CAMK4: variants seen among roughly 807,000 people sequenced by gnomAD.
The protein encoded by CAMK4 is calcium/calmodulin dependent protein kinase IV.
A neutral mutation model predicts 44.9 loss-of-function variants in CAMK4; 22 were observed. The ratio of observed to expected loss-of-function variants is 0.49; its 90% CI spans 0.35 to 0.70. CAMK4 has a LOEUF of 0.70. Among genes scored for constraint, CAMK4 ranks in the 30% least tolerant of loss-of-function variants. The pLI, the probability that CAMK4 is intolerant of heterozygous loss-of-function variation, is 0.01. For missense variants in CAMK4, 498 were observed against 586.8 expected, an observed-to-expected ratio of 0.85 and a Z score of 1.56; for synonymous variants, 218 against 215.4, an observed-to-expected ratio of 1.01 and a Z score of -0.11.
At chr5:111,369,055 T>A (rs1232238852) in intron 2 of CAMK4, among the ~76,000 whole-genome samples, 1 of 148,886 alleles carries the variant, frequency 6.7e-6, no homozygotes, top group Non-Finnish European at 1.5e-5. Flanking sequence ...AATAATAATA[T>A]AATAATAATA....
rs1755724615 is a variant in CAMK4 at position 111,489,004 on chromosome 5, T to A, written c.*4538T>A. On this transcript the variant is annotated 3_prime_UTR_variant, in exon 11 of 11. Coordinates refer to ENST00000282356, the MANE Select transcript of CAMK4 (RefSeq NM_001744.6). The stretch of plus-strand genomic sequence containing the variant: ...ATTCTGATTTCCTTATGTTCATCAC[T>A]GATATGTTCCTGATCAGGGTCATTG... The A allele has an allele frequency of 6.6e-6, 1 of 152,246 alleles. No individual in the cohort carries two copies. Among genetic ancestry groups the A allele is most frequent in the Non-Finnish European group, 1.5e-5 (1 of 68,042 alleles). The allele number at this position is 152,246 out of a possible 1,614,324, so 9.4% of individuals were successfully genotyped here.
At chr5:111,437,001 T>C (rs55714627) in intron 5 of CAMK4, among the ~76,000 whole-genome samples, 41,347 of 152,216 alleles carry the variant, frequency 0.27, 5,937 homozygotes, top group Non-Finnish European at 0.32. Flanking sequence ...ATTTGGAAGA[T>C]GAAATTCTTT....
At chr5:111,322,100 T>C (rs306074) in intron 1 of CAMK4, among the ~76,000 whole-genome samples, 1 of 152,070 alleles carries the variant, frequency 6.6e-6, no homozygotes, top group Non-Finnish European at 1.5e-5. Context: ...TTTTCAGGCA[T>C]TGAGAAATGG....
chr5:111,379,176 A>G (rs1288283885), intron 4 of CAMK4, among the ~76,000 whole-genome samples: 1 of 152,178 alleles, frequency 6.6e-6, no homozygotes, highest in Non-Finnish European at 1.5e-5. Context: ...CAGGACAGGA[A>G]TGCCACACTG....
At chr5:111,428,088 G>A (rs1288278539) in intron 5 of CAMK4, among the ~76,000 whole-genome samples, 1 of 152,252 alleles carries the variant, frequency 6.6e-6, no homozygotes, top group South Asian at 2.1e-4. Flanking sequence ...AAGAGTCTCT[G>A]CCTGGTAATC....
chr5:111,368,756 G>T (rs1051087778), intron 2 of CAMK4, among the ~76,000 whole-genome samples: 1 of 151,916 alleles, frequency 6.6e-6, no homozygotes, highest in Non-Finnish European at 1.5e-5. Flanking sequence ...ACTCTCTTTG[G>T]ATTGACAGTG....
chr5:111,458,843 C>T lies in CAMK4; in HGVS notation c.625+9640C>T, dbSNP rs114603979. ...GAACACACCAGGTGTCTTTAAAGTC[C>T]ACCAAGAAGGTTAGTTGGTTGATTG... is the stretch of plus-strand genomic sequence containing the variant. On this transcript the variant is annotated intron_variant, in intron 7 of 10. Transcript: ENST00000282356. 5.2e-3 allele frequency among the ~76,000 whole-genome samples: 798 copies of T among 152,186 alleles called. 10 individuals are homozygous for T. The highest frequency in any genetic ancestry group is 0.018 in the African/African-American group (737 of 41,526).
chr5:111,229,663 T>C (rs1485897918), intron 1 of CAMK4, among the ~76,000 whole-genome samples: 2 of 152,236 alleles, frequency 1.3e-5, no homozygotes, highest in Non-Finnish European at 2.9e-5. Flanking sequence ...TGGGTAGGTA[T>C]ACTGCTGGCT....
At chr5:111,311,959 A>T (rs1270993026) in intron 1 of CAMK4, among the ~76,000 whole-genome samples, 1 of 152,162 alleles carries the variant, frequency 6.6e-6, no homozygotes, top group Non-Finnish European at 1.5e-5. Flanking sequence ...AGAAAACCAG[A>T]TTAAAAGTTA....
intron 2 of CAMK4, among the ~76,000 whole-genome samples, chr5:111,350,611 C>T (rs1750060137): frequency 6.6e-6 from 1 of 151,666 alleles, no homozygotes; most frequent in Non-Finnish European, 1.5e-5. Flanking sequence ...GAGCAGTGTG[C>T]CTAGATCTAC....
chr5:111,291,408 T>C (rs1476525144), intron 1 of CAMK4, among the ~76,000 whole-genome samples: 1 of 152,224 alleles, frequency 6.6e-6, no homozygotes, highest in Non-Finnish European at 1.5e-5. Flanking sequence ...CTTCATTGCT[T>C]TTCTTTAAAG....
rs147849710 is a variant in CAMK4 at position 111,481,536 on chromosome 5, G to A, written c.829-1249G>A. Among the ~76,000 whole-genome samples the A allele has an allele frequency of 6.2e-3, 937 of 152,294 alleles. 11 individuals carry two copies. The highest frequency in any genetic ancestry group is 0.021 in the African/African-American group (884 of 41,568). On this transcript the variant is annotated intron_variant, in intron 9 of 10. Transcript: ENST00000282356. ...TTATTCCTCATTTGACTTGCCGCCT[G>A]ATTTCCTTAGCCTATGTTCACGTCT...
intron 1 of CAMK4, among the ~76,000 whole-genome samples, chr5:111,244,132 G>A (rs952190188): frequency 6.6e-6 from 1 of 152,064 alleles, no homozygotes; most frequent in Non-Finnish European, 1.5e-5. Flanking sequence ...AGAAAGCTGG[G>A]CTTAAACCAT....
At chr5:111,460,324 G>A (rs1754601191) in intron 7 of CAMK4, among the ~76,000 whole-genome samples, 1 of 129,512 alleles carries the variant, frequency 7.7e-6, no homozygotes, top group African/African-American at 2.9e-5. Context: ...CTGGAGTGCA[G>A]TGGTGCAATC....
intron 1 of CAMK4, among the ~76,000 whole-genome samples, chr5:111,326,480 G>A (rs533701322): frequency 6.6e-6 from 1 of 151,580 alleles, no homozygotes; most frequent in South Asian, 2.1e-4. Flanking sequence ...AGACTCCAGA[G>A]CCCAGATATT....
chr5:111,312,737 T>G (rs773860873), intron 1 of CAMK4, among the ~76,000 whole-genome samples: 3 of 152,108 alleles, frequency 2.0e-5, no homozygotes, highest in Admixed American at 6.6e-5. Flanking sequence ...GTCTCTGAGT[T>G]TAAAATACAG....
chr5:111,280,587 T>A (rs930034277), intron 1 of CAMK4, among the ~76,000 whole-genome samples: 3 of 152,218 alleles, frequency 2.0e-5, no homozygotes, highest in Non-Finnish European at 4.4e-5. Flanking sequence ...TACAGTTGTT[T>A]CTATAGGAAA....
chr5:111,486,500 A>ACACACAC lies in CAMK4; in HGVS notation c.*2034_*2035insCACACAC, dbSNP rs1755625069. 9.7e-6 allele frequency: 1 copy of ACACACAC among 103,578 alleles called. No homozygotes were observed. Among genetic ancestry groups the ACACACAC allele is most frequent in the Admixed American group, 1.0e-4 (1 of 9,906 alleles). The allele number at this position is 103,578 out of a possible 1,614,324, so 6.4% of individuals were successfully genotyped here. ...GTTGTACTTTTTACCATGAGACTGA[A>ACACACAC]ACACACACACACACACACACACACA... On this transcript the variant is annotated 3_prime_UTR_variant, in exon 11 of 11. Transcript: ENST00000282356.
intron 7 of CAMK4, among the ~76,000 whole-genome samples, chr5:111,462,078 G>A (rs1754664955): frequency 6.6e-6 from 1 of 152,186 alleles, no homozygotes; most frequent in Admixed American, 6.5e-5. Context: ...CTCCAGCCAT[G>A]TTGGCTTCTT....
Sources: allele counts gnomAD v4.1 joint callset (sites outside exome capture counted in the v4.1 genomes callset), GRCh38; gene constraint gnomAD v4.1.1; transcripts MANE v1.5; gene names NCBI Gene and HGNC (gene_info 2026-07-23, HGNC 2026-07-21).